Variants in ITGA7 observed in about 807,000 individuals in gnomAD.
ITGA7 encodes the protein integrin subunit alpha 7.
ITGA7 carries 84 observed loss-of-function variants against 131.6 expected under a neutral mutation model. The observed-to-expected ratio is 0.64, with a 90% CI of 0.54 to 0.77. The LOEUF (loss-of-function observed/expected upper bound fraction) is 0.77, where lower values mean the gene tolerates loss of function less well. Among genes scored for constraint, ITGA7 ranks in the 30% least tolerant of loss-of-function variants. ITGA7 has a pLI of 0.00. For synonymous variants in ITGA7, 548 were observed against 600.7 expected (o/e 0.91, Z 1.28); for missense variants, 1,399 against 1,482.9 (o/e 0.94, Z 0.93).
chr12:55,700,710 C>T (rs1182008652), intron 4 of ITGA7, 189 bp downstream of exon 4: 13 of 753,944 alleles, frequency 1.7e-5, no homozygotes, highest in Admixed American at 1.1e-4. Context: ...AACACTTGGC[C>T]GTGCGAGGGA....
rs2293411 is a variant in ITGA7, at chr12:55,695,770, T to C, written c.1888-133A>G. 0.58 allele frequency: 400,674 copies of C among 685,376 alleles called. 122,436 individuals are homozygous for C. The highest frequency in any genetic ancestry group is 0.94 in the East Asian group (34,453 of 36,604). The allele number at this position is 685,376 out of a possible 1,614,324, so 42.5% of individuals were successfully genotyped here. ...CCTCAACTCTCAGATCTGCTGCTTA[T>C]TAGCCATGTGATCCTGAACTGGGTC... On this transcript the variant is annotated intron_variant, in intron 13 of 24. Transcript: ENST00000257879.
rs554600133 is a variant in ITGA7, at chr12:55,700,116, C to A, written c.671-127G>T. ...AAGAGGTGGAGAGAGAAAAAGAGAC[C>A]AGAGAGATCACAGCCAGAGACAGAA... On this transcript the variant is annotated intron_variant, in intron 4 of 24. Transcript: ENST00000257879. The A allele has an allele frequency of 8.4e-4, 1,199 of 1,423,824 alleles. 1 individual carries two copies. The highest frequency in any genetic ancestry group is 1.1e-3 in the Non-Finnish European group (1,113 of 1,030,556). 88.2% of individuals were successfully genotyped at this position (1,423,824 alleles called of 1,614,324 possible). A position where few individuals can be genotyped will look rare whatever the true frequency, so the allele number is the denominator to read the frequency against.
intron 3 of ITGA7, among the ~76,000 whole-genome samples, chr12:55,702,074 GGT>G (rs946182492): frequency 1.3e-5 from 2 of 152,152 alleles, no homozygotes; most frequent in African/African-American, 4.8e-5. Context: ...AGGGTACAAT[GGT>G]GCGATCTCAG....
In ITGA7 at chr12:55,684,850, T is replaced by A. The variant is rs893925495; in HGVS notation, c.*208A>T. The A allele has an allele frequency of 3.4e-6, 2 of 587,692 alleles. No individual in the cohort carries two copies. Among genetic ancestry groups the A allele is most frequent in the Non-Finnish European group, 6.0e-6 (2 of 330,982 alleles). 36.4% of individuals were successfully genotyped at this position (587,692 alleles called of 1,614,324 possible). Reference sequence around the variant, plus strand: ...TCACCCTACCCCATGGCCCTGTCCCTGATTTACCCACTCTCATCTCACAGC... The same window carrying A: ...TCACCCTACCCCATGGCCCTGTCCCAGATTTACCCACTCTCATCTCACAGC... On this transcript the variant is annotated 3_prime_UTR_variant, in exon 25 of 25. Coordinates refer to ENST00000257879, the MANE Select transcript of ITGA7 (RefSeq NM_002206.3).
upstream of ITGA7, among the ~76,000 whole-genome samples, chr12:55,714,002 C>T (rs1876315721): frequency 1.3e-5 from 2 of 152,208 alleles, no homozygotes. Flanking sequence ...AATGCCAAAG[C>T]TGGAAATAGT....
chr12:55,697,399 G>C (rs1158137040), intron 10 of ITGA7, 52 bp downstream of exon 10: 5 of 1,590,174 alleles, frequency 3.1e-6, no homozygotes, highest in South Asian at 1.1e-5. Flanking sequence ...AAGGATCAAA[G>C]GGAGGGCAGG....
Position 55,702,896 on chromosome 12 carries a change from GCT to G in ITGA7, c.388_389del (p.Ser130ProfsTer15), listed in dbSNP as rs1874366950. On this transcript the variant is annotated frameshift_variant, in exon 3 of 25. Transcript: ENST00000257879. LOFTEE classifies it high-confidence loss of function. Reference sequence around the variant, plus strand: ...CAACAATCTTGCCCCCAGGCCCCTGGCTCCGAACACTGACTCCCAACCACTGG... The same window carrying G: ...CAACAATCTTGCCCCCAGGCCCCTGGCCGAACACTGACTCCCAACCACTGG... ...ENQWLGVSVRSQGPGGKIVTC... is the reference protein window; with the variant it reads ...ENQWLGVSVRXQGPGGKIVTC... The G allele has an allele frequency of 6.2e-7, 1 of 1,612,762 alleles. No individual in the cohort carries two copies. The highest frequency in any genetic ancestry group is 8.5e-7 in the Non-Finnish European group (1 of 1,179,896).
At position 55,703,098 on chromosome 12, in the gene ITGA7, A is replaced by C. The variant is rs886042999; in HGVS notation, c.287T>G (p.Leu96Trp). The stretch of plus-strand genomic sequence containing the variant: ...GTAGCAGTCAGTCTCCTCCAGGCTC[A>C]ACGGGCAAGCGAAGAGGCCTCCAGT... Reference protein sequence around the residue: ...NRTGGLFACPLSLEETDCYRV... With the variant: ...NRTGGLFACPWSLEETDCYRV... Residue 96 changes from leucine (L) to tryptophan (W), a missense_variant, in exon 2 of 25, where the codon TTG becomes TGG. Leu to Trp is a moderately conservative substitution (Grantham distance 61, BLOSUM62 -2). Coordinates refer to ENST00000257879, the MANE Select transcript of ITGA7 (RefSeq NM_002206.3). 6 of 1,613,978 alleles carry C rather than the reference A, an allele frequency of 3.7e-6. No homozygotes were observed. In the Admixed American group the frequency reaches 8.3e-5, roughly 22 times the overall value.
At chr12:55,686,507 C>G (rs1052500763) in intron 24 of ITGA7, among the ~76,000 whole-genome samples, 3 of 152,194 alleles carry the variant, frequency 2.0e-5, no homozygotes, top group African/African-American at 7.2e-5. Flanking sequence ...CACTCCAGAG[C>G]CTGGTCTACT....
Position 55,694,890 on chromosome 12 carries a change from G to T in ITGA7, c.2084C>A (p.Pro695Gln), listed in dbSNP as rs1318700669. 3 of 1,613,904 alleles carry T rather than the reference G, an allele frequency of 1.9e-6. No homozygotes were observed. The African/African-American group carries it at 4.0e-5, about 22-fold the overall frequency. ...IGLELMVTNL[P>Q]SDPAQPQADG... ...AGCCTGGGGCTGGGCTGGGTCCGAT[G>T]GCAGGTTGGTGACCATCAGCTCCAG... Residue 695 changes from proline (P) to glutamine (Q), a missense_variant, in exon 15 of 25, where the codon CCA becomes CAA. Physicochemically the swap from Pro to Gln is moderately conservative, Grantham distance 76. Coordinates refer to ENST00000257879, the MANE Select transcript of ITGA7 (RefSeq NM_002206.3). The surrounding 1 kb of genome is among the most constrained non-coding windows in gnomAD (Gnocchi z 5.3).
chr12:55,692,904 C>T lies in ITGA7; in HGVS notation c.2784G>A (p.Gln928=). 1 of 1,614,164 alleles carries T rather than the reference C, an allele frequency of 6.2e-7. No individual in the cohort carries two copies. Among genetic ancestry groups the T allele is most frequent in the Non-Finnish European group, 8.5e-7 (1 of 1,180,022 alleles). The change falls in exon 21 of 25, where the codon CAG becomes CAA. Residue 928 remains glutamine (Q), a synonymous_variant. Transcript: ENST00000257879. ...CTGGCCACCAGGACATGCTGGGCTC[C>T]TGCCGCTCACCAGGCTCCTGCTGCT... ...PPEQQEPGER[Q]EPSMSWWPVS... is the part of the protein sequence containing the mutation.
intron 4 of ITGA7, chr12:55,700,434 G>A: frequency 6.4e-7 from 1 of 1,573,804 alleles, no homozygotes; most frequent in Non-Finnish European, 8.6e-7. Context: ...CAGGGCGCAA[G>A]GAACACCCCT....
intron 24 of ITGA7, among the ~76,000 whole-genome samples, chr12:55,687,561 G>C (rs866568439): frequency 1.4e-5 from 2 of 144,732 alleles, no homozygotes; most frequent in Middle Eastern, 3.5e-3. Flanking sequence ...GCGCCATCTC[G>C]GCTCACTGCA....
In ITGA7 at chr12:55,698,749, A is replaced by C; in HGVS notation, c.959T>G (p.Phe320Cys). The change falls in exon 6 of 25, where the codon TTT becomes TGT. Residue 320 changes from phenylalanine to cysteine, a missense_variant. Physicochemically the swap from Phe to Cys is radical, Grantham distance 205 (BLOSUM62 -2). Coordinates refer to ENST00000257879, the MANE Select transcript of ITGA7 (RefSeq NM_002206.3). Reference sequence around the variant, plus strand: ...GTCAGCCACAGCCAGTGAGTAGCCAAAGCCGGAGGTCAGGCGCTCCCCAGA... The same window carrying C: ...GTCAGCCACAGCCAGTGAGTAGCCACAGCCGGAGGTCAGGCGCTCCCCAGA... Reference protein sequence around the residue: ...MLSGERLTSGFGYSLAVADLN... With the variant: ...MLSGERLTSGCGYSLAVADLN... 6.2e-7 allele frequency: 1 copy of C among 1,614,112 alleles called. No homozygotes were observed. Among genetic ancestry groups the C allele is most frequent in the Non-Finnish European group, 8.5e-7 (1 of 1,180,004 alleles).
At chr12:55,685,577 G>A (rs752522985) in intron 24 of ITGA7, among the ~76,000 whole-genome samples, 6 of 152,106 alleles carry the variant, frequency 3.9e-5, no homozygotes, top group Non-Finnish European at 7.4e-5. Context: ...CATCAGGACC[G>A]GACTCAAGAT....
At position 55,694,087 on chromosome 12, in the gene ITGA7, C is replaced by T. The variant is rs1436876343; in HGVS notation, c.2469G>A (p.Val823=). 2 of 1,614,134 alleles carry T rather than the reference C, an allele frequency of 1.2e-6. No individual in the cohort carries two copies. The highest frequency in any genetic ancestry group is 1.1e-5 in the South Asian group (1 of 91,096). ...ACTGCATGGCTCTCTCGCCCCTCAC[C>T]ACACCAGAGAAGAAGAGTTGCTGGG... ...AIPQQLFFSG[V]VRGERAMQSE... The change falls in exon 19 of 25, where the codon GTG becomes GTA. Residue 823 remains valine, a synonymous_variant. Transcript: ENST00000257879. This position sits in a 1 kb window ranked among gnomAD's most constrained non-coding sequence, Gnocchi z 5.3.
chr12:55,701,413 C>T (rs1207985782), intron 3 of ITGA7: 2 of 1,551,676 alleles, frequency 1.3e-6, no homozygotes, highest in Non-Finnish European at 8.7e-7. Flanking sequence ...CCTTGTTCCA[C>T]ATTCTGCCTG....
chr12:55,694,612 A>C lies in ITGA7; in HGVS notation c.2277+3T>G, dbSNP rs1353227675. 1 of 1,614,028 alleles carries C rather than the reference A, an allele frequency of 6.2e-7. No individual in the cohort carries two copies. The highest frequency in any genetic ancestry group is 8.5e-7 in the Non-Finnish European group (1 of 1,179,896). ...ACGTAGGGATAAGGGCAGATGTGCC[A>C]ACCTGGGCACCTCTCTTCATGGGGT... On this transcript the variant is annotated splice_donor_region_variant and intron_variant, in intron 16 of 24. Coordinates refer to ENST00000257879, the MANE Select transcript of ITGA7 (RefSeq NM_002206.3). The surrounding 1 kb of genome is among the most constrained non-coding windows in gnomAD (Gnocchi z 5.3).
chr12:55,689,450 A>T (rs951406882), intron 21 of ITGA7, among the ~76,000 whole-genome samples: 2 of 152,176 alleles, frequency 1.3e-5, no homozygotes, highest in African/African-American at 2.4e-5. Flanking sequence ...CCCTGCCCTA[A>T]ACCCAAACTC....
Sources: gnomAD v4.1 joint callset for allele counts (sites outside exome capture counted in the v4.1 genomes callset) on GRCh38, gnomAD v4.1.1 for gene constraint, Gnocchi (gnomAD v3.1) non-coding constraint, MANE v1.5 for transcripts, NCBI Gene and HGNC (gene_info 2026-07-23, HGNC 2026-07-21) for gene names.